Variants in PALM2AKAP2 observed in about 807,000 individuals in gnomAD.
PALM2AKAP2 encodes PALM2 and AKAP2 fusion.
PALM2AKAP2 carries 37 observed loss-of-function variants against 71.5 expected under a neutral mutation model. The observed-to-expected ratio is 0.52, with a 90% CI of 0.40 to 0.68. The LOEUF (loss-of-function observed/expected upper bound fraction) is 0.68. PALM2AKAP2 is among the 30% of genes least tolerant of loss of function. The pLI is 0.00. For synonymous variants in PALM2AKAP2, 468 were observed against 478.8 expected, an observed-to-expected ratio of 0.98 and a Z score of 0.29; for missense variants, 1,224 against 1,191.8, an observed-to-expected ratio of 1.03 and a Z score of -0.40.
At chr9:109,645,112 A>G (rs901555398) in intron 1 of PALM2AKAP2, among the ~76,000 whole-genome samples, 7 of 152,198 alleles carry the variant, frequency 4.6e-5, no homozygotes, top group African/African-American at 1.7e-4. Context: ...TGATTAAGAC[A>G]TACCTGAGAC....
chr9:109,944,028 A>G (rs576291768), intron 6 of PALM2AKAP2: 1 of 152,910 alleles, frequency 6.5e-6, no homozygotes, highest in South Asian at 2.1e-4. Context: ...TTAAAACTGA[A>G]ATGAAGTCAA....
intron 1 of PALM2AKAP2, among the ~76,000 whole-genome samples, chr9:109,730,466 A>G (rs1828539651): frequency 6.6e-6 from 1 of 152,188 alleles, no homozygotes; most frequent in South Asian, 2.1e-4. Flanking sequence ...TTATTCTAGA[A>G]TGTTGCCTGA....
At chr9:109,799,954 C>T (rs1442757399) in intron 1 of PALM2AKAP2, among the ~76,000 whole-genome samples, 1 of 152,140 alleles carries the variant, frequency 6.6e-6, no homozygotes, top group Non-Finnish European at 1.5e-5. Context: ...GTTCAACTTT[C>T]AGAGGAGCCT....
intron 1 of PALM2AKAP2, among the ~76,000 whole-genome samples, chr9:109,682,907 T>C (rs926204147): frequency 2.0e-5 from 3 of 151,936 alleles, no homozygotes; most frequent in Non-Finnish European, 2.9e-5. Flanking sequence ...GGAAAAAGAG[T>C]CTTCGCAGAG....
intron 2 of PALM2AKAP2, among the ~76,000 whole-genome samples, chr9:110,154,345 G>A (rs1743509574): frequency 6.6e-6 from 1 of 152,190 alleles, no homozygotes; most frequent in African/African-American, 2.4e-5. Flanking sequence ...GCTGGCTCCA[G>A]AGCTTACACG....
chr9:109,890,359 C>G (rs1830059665), intron 3 of PALM2AKAP2, among the ~76,000 whole-genome samples: 1 of 152,168 alleles, frequency 6.6e-6, no homozygotes, highest in Non-Finnish European at 1.5e-5. Flanking sequence ...CTCATCAAGG[C>G]CCGCTTCCTC....
intron 1 of PALM2AKAP2, among the ~76,000 whole-genome samples, chr9:109,807,837 T>C (rs1449503613): frequency 1.3e-5 from 2 of 152,196 alleles, no homozygotes; most frequent in African/African-American, 4.8e-5. Context: ...GACTGAATCA[T>C]GGGGGTGGTT....
exon 2 of PALM2AKAP2, chr9:110,138,115 A>C (rs1478317420): frequency 1.9e-6 from 3 of 1,614,014 alleles, no homozygotes; most frequent in African/African-American, 1.3e-5. Flanking sequence ...TGTTTGAGCC[A>C]CCTCAGGTGT....
chr9:109,973,864 C>G (rs1237262286), intron 6 of PALM2AKAP2, among the ~76,000 whole-genome samples: 1 of 152,138 alleles, frequency 6.6e-6, no homozygotes, highest in African/African-American at 2.4e-5. Context: ...ATATAGCCAG[C>G]CTTGGGCTTC....
chr9:109,747,346 C>A (rs1828818447), intron 1 of PALM2AKAP2, among the ~76,000 whole-genome samples: 1 of 152,114 alleles, frequency 6.6e-6, no homozygotes, highest in Non-Finnish European at 1.5e-5. Context: ...CCTTCTTAAA[C>A]AGATGTTTTA....
intron 3 of PALM2AKAP2, among the ~76,000 whole-genome samples, chr9:109,922,154 T>C (rs1830845765): frequency 6.6e-6 from 1 of 151,986 alleles, no homozygotes; most frequent in African/African-American, 2.4e-5. Flanking sequence ...GCACGGTGGC[T>C]CACGCCTGTA....
chr9:109,877,558 A>G (rs1467094399), intron 2 of PALM2AKAP2, among the ~76,000 whole-genome samples: 1 of 151,812 alleles, frequency 6.6e-6, no homozygotes, highest in Non-Finnish European at 1.5e-5. Flanking sequence ...TTTCTTAGGT[A>G]AATAAAGCAG....
At chr9:109,826,294 A>G (rs983940361) in intron 1 of PALM2AKAP2, among the ~76,000 whole-genome samples, 1 of 152,178 alleles carries the variant, frequency 6.6e-6, no homozygotes, top group African/African-American at 2.4e-5. Flanking sequence ...CAGCACACCA[A>G]CATGGCACAT....
At chr9:109,755,908 G>T (rs1350877524) in intron 1 of PALM2AKAP2, among the ~76,000 whole-genome samples, 1 of 152,026 alleles carries the variant, frequency 6.6e-6, no homozygotes, top group Non-Finnish European at 1.5e-5. Context: ...TGTAAAAATG[G>T]CAGCACAATC....
At chr9:109,843,140 C>CAAAAAAAAAA (rs60510582) in intron 1 of PALM2AKAP2, among the ~76,000 whole-genome samples, 1 of 62,822 alleles carries the variant, frequency 1.6e-5, no homozygotes, top group Non-Finnish European at 2.7e-5. Flanking sequence ...AACTCGGTCT[C>CAAAAAAAAAA]AAAAAAAAAA....
At chr9:109,817,332 T>C (rs1827879425) in intron 1 of PALM2AKAP2, among the ~76,000 whole-genome samples, 1 of 152,198 alleles carries the variant, frequency 6.6e-6, no homozygotes, top group African/African-American at 2.4e-5. Flanking sequence ...CTGTGATACA[T>C]GCTGGGCATC....
intron 1 of PALM2AKAP2, among the ~76,000 whole-genome samples, chr9:109,642,689 A>G (rs963809350): frequency 7.3e-5 from 11 of 151,156 alleles, no homozygotes; most frequent in Admixed American, 1.3e-4. Flanking sequence ...TTCTGATGGG[A>G]CTACAGGCAT....
At chr9:110,077,755 CCT>C (rs1834352421) in intron 1 of PALM2AKAP2, among the ~76,000 whole-genome samples, 1 of 152,162 alleles carries the variant, frequency 6.6e-6, no homozygotes, top group Admixed American at 6.5e-5. Flanking sequence ...GTGGCTCACG[CCT>C]GTAATCCCAG....
At chr9:109,883,150 T>C (rs1340104153) in intron 3 of PALM2AKAP2, among the ~76,000 whole-genome samples, 1 of 152,116 alleles carries the variant, frequency 6.6e-6, no homozygotes, top group African/African-American at 2.4e-5. Flanking sequence ...GAAGGAGGTG[T>C]TGTGGGTTAG....
Sources: gnomAD v4.1 joint callset for allele counts (sites outside exome capture counted in the v4.1 genomes callset) on GRCh38, gnomAD v4.1.1 for gene constraint, MANE v1.5 for transcripts, NCBI Gene and HGNC (gene_info 2026-07-23, HGNC 2026-07-21) for gene names.